LZTFL1: variants seen among roughly 807,000 people sequenced by gnomAD.
LZTFL1 encodes the protein leucine zipper transcription factor like 1.
In LZTFL1, 25 loss-of-function variants were observed where a neutral mutation model predicts 45.9. The ratio of observed to expected loss-of-function variants is 0.54; its 90% CI spans 0.40 to 0.76. The LOEUF is 0.76. Among genes scored for constraint, LZTFL1 ranks in the 30% least tolerant of loss-of-function variants. The probability of loss-of-function intolerance (pLI) is 0.00; values close to 1 mark genes in which losing one functional copy is unlikely to be tolerated. For missense variants in LZTFL1, 277 were observed against 331.1 expected (o/e 0.84, Z 1.27); for synonymous variants, 93 against 117.4 (o/e 0.79, Z 1.35).
chr3:45,828,450 T>C lies in LZTFL1; in HGVS notation c.766A>G (p.Met256Val), dbSNP rs768813044. 1.5e-5 allele frequency: 24 copies of C among 1,613,516 alleles called. No individual in the cohort carries two copies. The Admixed American group carries it at 2.5e-4, about 17-fold the overall frequency. ...DLLRVQEQLH[M>V]AEKELEKKFQ... ...CATGGTCTTCTGACCTTTTCAGCCA[T>C]GTGCAGCTGCTCCTGAACCCTGAGT... Residue 256 changes from methionine to valine, a missense_variant, in exon 8 of 10, where the codon ATG becomes GTG. Met to Val is a conservative substitution (Grantham distance 21, BLOSUM62 1). Transcript: ENST00000296135.
At chr3:45,846,312 A>G (rs530229055), upstream of LZTFL1, among the ~76,000 whole-genome samples, 37 of 152,336 alleles carry the variant, frequency 2.4e-4, no homozygotes, top group South Asian at 6.2e-4. Context: ...TTATATAACT[A>G]CTGTTTGAGT....
chr3:45,842,114 G>A lies in LZTFL1; in HGVS notation c.-123C>T. 6.5e-7 allele frequency: 1 copy of A among 1,537,630 alleles called. No homozygotes were observed. The highest frequency in any genetic ancestry group is 1.4e-5 in the African/African-American group (1 of 73,086). On this transcript the variant is annotated 5_prime_UTR_variant, in exon 1 of 10. Coordinates refer to ENST00000296135, the MANE Select transcript of LZTFL1 (RefSeq NM_020347.4). Reference sequence around the variant, plus strand: ...GGGAAGGAGGGTAGGTTGTTTAGAAGCCTCTGGTTGCTAACGGAAACCGAG... The same window carrying A: ...GGGAAGGAGGGTAGGTTGTTTAGAAACCTCTGGTTGCTAACGGAAACCGAG...
At chr3:45,878,643 G>A (rs1350809072) in intron 2 of LZTFL1, among the ~76,000 whole-genome samples, 1 of 147,552 alleles carries the variant, frequency 6.8e-6, no homozygotes, top group African/African-American at 2.5e-5. Context: ...AAGAGAAGGA[G>A]AAGACAAGCC....
Position 45,883,871 on chromosome 3 carries a change from A to G in LZTFL1, c.-214-24855T>C, listed in dbSNP as rs115004584. The G allele has an allele frequency of 3.9e-3, 2,035 of 524,942 alleles. 37 individuals carry two copies. Among genetic ancestry groups the G allele is most frequent in the African/African-American group, 0.034 (1,732 of 51,312 alleles). 32.5% of individuals were successfully genotyped at this position (524,942 alleles called of 1,614,324 possible). A position where few individuals can be genotyped will look rare whatever the true frequency, so the allele number is the denominator to read the frequency against. Reference sequence around the variant, plus strand: ...AGAGCAAGGATTCAGTTAAGCAGCTAGAAGCAGGCCCAGGAGCAAAACACT... The same window carrying G: ...AGAGCAAGGATTCAGTTAAGCAGCTGGAAGCAGGCCCAGGAGCAAAACACT... On this transcript the variant is annotated intron_variant, in intron 2 of 4. Coordinates refer to the LZTFL1 transcript ENST00000472635.
At chr3:45,913,553 T>C (rs1368147119) in intron 1 of LZTFL1, among the ~76,000 whole-genome samples, 1 of 152,244 alleles carries the variant, frequency 6.6e-6, no homozygotes, top group African/African-American at 2.4e-5. Context: ...ACATAAATGA[T>C]ACTTTGAGAG....
intron 2 of LZTFL1, among the ~76,000 whole-genome samples, chr3:45,887,538 C>T (rs1467928561): frequency 3.3e-5 from 5 of 152,206 alleles, no homozygotes; most frequent in African/African-American, 9.6e-5. Flanking sequence ...ACTCCATAGA[C>T]GGCTGGCAAG....
intron 3 of LZTFL1, among the ~76,000 whole-genome samples, chr3:45,857,255 G>A (rs62245076): frequency 0.068 from 10,345 of 152,174 alleles, 498 homozygotes; most frequent in East Asian, 0.26. Context: ...TTATCCTCAG[G>A]AAACTAACAC....
chr3:45,875,628 C>A (rs542093308), intron 2 of LZTFL1, among the ~76,000 whole-genome samples: 2 of 152,208 alleles, frequency 1.3e-5, no homozygotes, highest in Admixed American at 1.3e-4. Flanking sequence ...TCAAGACCAT[C>A]CTAGGCAACA....
intron 2 of LZTFL1, chr3:45,897,632 C>T: frequency 6.5e-7 from 1 of 1,533,012 alleles, no homozygotes; most frequent in Non-Finnish European, 8.7e-7. Flanking sequence ...AGGACCTTAG[C>T]CCAGGACTAA....
intron 4 of LZTFL1, 56 bp from the exon 5 acceptor site, chr3:45,833,177 T>A: frequency 2.5e-6 from 3 of 1,213,106 alleles, no homozygotes; most frequent in Non-Finnish European, 3.7e-6. Flanking sequence ...GCATGTATAA[T>A]CATTGAACAC....
chr3:45,887,727 G>T (rs952751443), intron 2 of LZTFL1, among the ~76,000 whole-genome samples: 2 of 152,214 alleles, frequency 1.3e-5, no homozygotes, highest in African/African-American at 4.8e-5. Flanking sequence ...AAGCCTCTTT[G>T]TGTAGGCCTC....
upstream of LZTFL1, among the ~76,000 whole-genome samples, chr3:45,844,858 A>G (rs1701192987): frequency 6.6e-6 from 1 of 152,232 alleles, no homozygotes; most frequent in Non-Finnish European, 1.5e-5. Context: ...TCACTATCAC[A>G]TGCATTAAAG....
At chr3:45,838,157 T>C (rs763792422) in intron 1 of LZTFL1, 106 bp from the exon 2 acceptor site, 5 of 1,225,590 alleles carry the variant, frequency 4.1e-6, no homozygotes, top group Non-Finnish European at 5.6e-6. Flanking sequence ...TAGATCTCCA[T>C]CAAATTCTAT....
At chr3:45,879,426 T>C (rs1476658697) in intron 2 of LZTFL1, among the ~76,000 whole-genome samples, 1 of 152,130 alleles carries the variant, frequency 6.6e-6, no homozygotes, top group East Asian at 1.9e-4. Flanking sequence ...CTATATACTG[T>C]ATGATTCCAA....
chr3:45,913,726 C>T (rs9825682), intron 1 of LZTFL1, among the ~76,000 whole-genome samples: 2,209 of 152,166 alleles, frequency 0.015, 55 homozygotes, highest in African/African-American at 0.049. Context: ...TTTTCCCCCA[C>T]CCATTTTCAA....
In LZTFL1 at chr3:45,830,990, C is replaced by G; in HGVS notation, c.523G>C (p.Ala175Pro). The change falls in exon 7 of 10, where the codon GCT (alanine) becomes CCT (proline). Residue 175 changes from alanine (A) to proline (P), a missense_variant and splice_region_variant. Transcript: ENST00000296135. ...KSRLKTIEIQ[A>P]TNALDEKSKL... The stretch of plus-strand genomic sequence containing the variant: ...GACTTTTCATCCAGTGCATTTGTAG[C>G]CTATAGTGAAGTTTAAACAAAACAC... 6.2e-7 allele frequency: 1 copy of G among 1,613,488 alleles called. No individual in the cohort carries two copies. The highest frequency in any genetic ancestry group is 1.1e-5 in the South Asian group (1 of 91,042).
intron 4 of LZTFL1, among the ~76,000 whole-genome samples, chr3:45,853,644 C>A (rs933183813): frequency 2.6e-5 from 4 of 152,156 alleles, no homozygotes; most frequent in Non-Finnish European, 5.9e-5. Flanking sequence ...CTGCTAGGAC[C>A]AAGCTCCATC....
intron 2 of LZTFL1, among the ~76,000 whole-genome samples, chr3:45,906,425 T>C (rs771495905): frequency 3.3e-5 from 5 of 152,164 alleles, no homozygotes; most frequent in Non-Finnish European, 7.3e-5. Context: ...ATTGGCTTTG[T>C]CTGACATGGT....
intron 2 of LZTFL1, chr3:45,903,238 A>G (rs1015824803): frequency 6.0e-6 from 1 of 165,350 alleles, no homozygotes; most frequent in Non-Finnish European, 1.5e-5. Context: ...ACACTCAGTT[A>G]CAGATTGAAC....
Sources: gnomAD v4.1 joint callset for allele counts (sites outside exome capture counted in the v4.1 genomes callset) on GRCh38, gnomAD v4.1.1 for gene constraint, MANE v1.5 for transcripts, NCBI Gene and HGNC (gene_info 2026-07-23, HGNC 2026-07-21) for gene names.